The following STPG4 variants were observed in gnomAD, a reference collection of about 807,000 sequenced individuals.
The protein encoded by STPG4 is protein STPG4.
In STPG4, 41 loss-of-function variants were observed where a neutral mutation model predicts 31.5. The ratio of observed to expected loss-of-function variants is 1.30; its 90% CI spans 1.01 to 1.69. The LOEUF (loss-of-function observed/expected upper bound fraction) is 1.69, where lower values mean the gene tolerates loss of function less well. Ranked by LOEUF, STPG4 falls within the 40% of genes most tolerant of loss-of-function variation. STPG4 has a pLI of 0.00. For synonymous variants in STPG4, 141 were observed against 103.0 expected (o/e 1.37, Z -2.24); for missense variants, 375 against 293.4 (o/e 1.28, Z -2.03).
chr2:47,147,868 C>G (rs1395697823), intron 3 of STPG4, among the ~76,000 whole-genome samples: 3 of 151,834 alleles, frequency 2.0e-5, no homozygotes, highest in South Asian at 2.1e-4. Flanking sequence ...AATTACAGAG[C>G]TACCTCAAAT....
chr2:47,106,063 G>C (rs531009914), intron 5 of STPG4, among the ~76,000 whole-genome samples: 1 of 151,416 alleles, frequency 6.6e-6, no homozygotes, highest in East Asian at 1.9e-4. Flanking sequence ...AAAAGAAAGA[G>C]AAAGAAAGAG....
At chr2:47,133,945 T>C (rs1686542852) in intron 3 of STPG4, among the ~76,000 whole-genome samples, 1 of 152,140 alleles carries the variant, frequency 6.6e-6, no homozygotes, top group African/African-American at 2.4e-5. Flanking sequence ...AATTCAGTTA[T>C]GTTGCACCAA....
At chr2:47,126,475 T>C (rs2103774957) in intron 5 of STPG4, among the ~76,000 whole-genome samples, 1 of 152,200 alleles carries the variant, frequency 6.6e-6, no homozygotes, top group East Asian at 1.9e-4. Flanking sequence ...CACAGGTGCA[T>C]GCCATCATGC....
At chr2:47,088,553 T>C (rs1685506114) in intron 6 of STPG4, among the ~76,000 whole-genome samples, 1 of 152,218 alleles carries the variant, frequency 6.6e-6, no homozygotes, top group Non-Finnish European at 1.5e-5. Context: ...TAGGGGGCTA[T>C]GAGGCTCACT....
chr2:47,151,436 T>C lies in STPG4; in HGVS notation c.221A>G (p.Asn74Ser). 2.5e-6 allele frequency: 4 copies of C among 1,614,190 alleles called. No homozygotes were observed. The highest frequency in any genetic ancestry group is 1.3e-5 in the African/African-American group (1 of 75,054). Residue 74 changes from asparagine to serine, a missense_variant, in exon 3 of 7, where the codon AAT (asparagine) becomes AGT (serine). Asn to Ser is a conservative substitution (Grantham distance 46, BLOSUM62 1). Coordinates refer to ENST00000445927, the MANE Select transcript of STPG4 (RefSeq NM_001163561.2). ...CTTTTTCCTTCCTTCGTTTTTAAAA[T>C]TGTAGGTTGCTATCACTGGATTTAA... ...SLLNPVIATY[N>S]FKNEGRKKPP...
chr2:47,118,562 C>G (rs1472731625), intron 5 of STPG4, among the ~76,000 whole-genome samples: 1 of 152,182 alleles, frequency 6.6e-6, no homozygotes, highest in Non-Finnish European at 1.5e-5. Flanking sequence ...GAAAAACTGT[C>G]TTCTGTGAAA....
chr2:47,098,005 G>A lies in STPG4; in HGVS notation c.520-7631C>T, dbSNP rs548955791. ...AGGGACCTGAAATTCAACTTTCTCA[G>A]GTTAACACCTTTTTGCTTTTCACGT... On this transcript the variant is annotated intron_variant, in intron 5 of 6. Coordinates refer to ENST00000445927, the MANE Select transcript of STPG4 (RefSeq NM_001163561.2). Among the ~76,000 whole-genome samples the A allele has an allele frequency of 9.9e-5, 15 of 151,394 alleles. No individual in the cohort carries two copies. The East Asian group carries it at 2.9e-3, about 29-fold the overall frequency.
intron 3 of STPG4, among the ~76,000 whole-genome samples, chr2:47,146,641 T>C (rs1321109922): frequency 6.6e-6 from 1 of 151,688 alleles, no homozygotes; most frequent in Non-Finnish European, 1.5e-5. Flanking sequence ...ACAAATTTGG[T>C]AATCACCAAC....
intron 3 of STPG4, among the ~76,000 whole-genome samples, chr2:47,147,942 G>GTA (rs1332221697): frequency 5.5e-5 from 8 of 144,744 alleles, no homozygotes; most frequent in East Asian, 2.1e-4. Flanking sequence ...ATTCAAATAT[G>GTA]TATATACATA....
intron 5 of STPG4, among the ~76,000 whole-genome samples, chr2:47,128,143 C>G (rs1164783191): frequency 1.3e-5 from 2 of 152,156 alleles, no homozygotes; most frequent in Admixed American, 1.3e-4. Context: ...TGAGCGAGTT[C>G]CCTGGATTAC....
rs1302478521 is a variant in STPG4, at chr2:47,090,252, G to A, written c.624+18C>T. On this transcript the variant is annotated intron_variant, in intron 6 of 6. Coordinates refer to ENST00000445927, the MANE Select transcript of STPG4 (RefSeq NM_001163561.2). Reference sequence around the variant, plus strand: ...TACCCCTAGGGGTGGGGGGCGATCTGTCTTTCCGAATACTTACTGAACAGC... The same window carrying A: ...TACCCCTAGGGGTGGGGGGCGATCTATCTTTCCGAATACTTACTGAACAGC... 3 of 1,526,818 alleles carry A rather than the reference G, an allele frequency of 2.0e-6. No individual in the cohort carries two copies. The highest frequency in any genetic ancestry group is 2.7e-6 in the Non-Finnish European group (3 of 1,124,312). The allele number at this position is 1,526,818 out of a possible 1,614,324, so 94.6% of individuals were successfully genotyped here.
At chr2:47,098,426 G>A (rs529608127) in intron 5 of STPG4, among the ~76,000 whole-genome samples, 42 of 152,306 alleles carry the variant, frequency 2.8e-4, no homozygotes, top group Admixed American at 3.9e-4. Flanking sequence ...GTGATTTAGC[G>A]TTTCAGCTGT....
chr2:47,150,940 T>A (rs1297277466), intron 3 of STPG4, among the ~76,000 whole-genome samples: 1 of 152,090 alleles, frequency 6.6e-6, no homozygotes, highest in East Asian at 1.9e-4. Context: ...CATATACTGC[T>A]TGAAGAGATA....
chr2:47,095,094 C>G (rs1379896025), intron 5 of STPG4, among the ~76,000 whole-genome samples: 9 of 152,200 alleles, frequency 5.9e-5, no homozygotes, highest in Non-Finnish European at 2.9e-5. Context: ...AAATTCTATA[C>G]CCCCCAATCA....
Position 47,092,524 on chromosome 2 carries a change from G to GAAAAGAA in STPG4, c.520-2157_520-2151dup, listed in dbSNP as rs1255176618. Among the ~76,000 whole-genome samples the GAAAAGAA allele has an allele frequency of 1.9e-4, 25 of 128,824 alleles. 1 individual carries two copies. Among genetic ancestry groups the GAAAAGAA allele is most frequent in the African/African-American group, 6.9e-4 (24 of 34,722 alleles). 84.5% of individuals were successfully genotyped at this position (128,824 alleles called of 152,430 possible). On this transcript the variant is annotated intron_variant, in intron 5 of 6. Transcript: ENST00000445927. ...GCCTGGGAAACAGAATGAGACCCAA[G>GAAAAGAA]AAAAGAAAAGGGGAGGGGAGGGAGA...
intron 5 of STPG4, chr2:47,129,514 A>C (rs1018733625): frequency 5.9e-6 from 1 of 170,920 alleles, no homozygotes; most frequent in African/African-American, 2.4e-5. Flanking sequence ...TGCTCCCTCC[A>C]TGGGCACTAG....
At position 47,113,606 on chromosome 2, in the gene STPG4, A is replaced by T. The variant is rs1016290979; in HGVS notation, c.519+16335T>A. Among the ~76,000 whole-genome samples the T allele has an allele frequency of 7.9e-5, 12 of 152,390 alleles. No individual in the cohort carries two copies. In the East Asian group the frequency reaches 2.1e-3, roughly 27 times the overall value. On this transcript the variant is annotated intron_variant, in intron 5 of 6. Coordinates refer to ENST00000445927, the MANE Select transcript of STPG4 (RefSeq NM_001163561.2). ...AAACTATCAAATTAATGAATATTTT[A>T]AAAATAACGATAAACAAGACATACA...
At chr2:47,090,511 CT>C (rs1256212085) in intron 5 of STPG4, 137 bp from the exon 6 acceptor site, 25 of 628,400 alleles carry the variant, frequency 4.0e-5, no homozygotes, top group Non-Finnish European at 6.4e-5. Flanking sequence ...CGAGAGATCT[CT>C]TTAAGGTGTG....
intron 5 of STPG4, chr2:47,108,930 G>A (rs746142456): frequency 6.6e-6 from 1 of 152,274 alleles, no homozygotes; most frequent in Non-Finnish European, 1.5e-5. Context: ...CCTAGCCCAA[G>A]GGATAGCACG....
Sources: gnomAD v4.1 joint callset for allele counts (sites outside exome capture counted in the v4.1 genomes callset) on GRCh38, gnomAD v4.1.1 for gene constraint, MANE v1.5 for transcripts, NCBI Gene and HGNC (gene_info 2026-07-23, HGNC 2026-07-21) for gene names.